The following ANKFN1 variants were observed in gnomAD, a reference collection of about 807,000 sequenced individuals.
The protein encoded by ANKFN1 is ankyrin repeat and fibronectin type III domain containing 1.
A neutral mutation model predicts 108.7 loss-of-function variants in ANKFN1; 74 were observed. The ratio of observed to expected loss-of-function variants is 0.68; its 90% CI spans 0.56 to 0.83. The LOEUF is 0.83. Among genes scored for constraint, ANKFN1 ranks in the 40% least tolerant of loss-of-function variants. ANKFN1 has a pLI of 0.00. For missense variants in ANKFN1, 1,505 were observed against 1,382.3 expected, an observed-to-expected ratio of 1.09 and a Z score of -1.41; for synonymous variants, 547 against 516.2, an observed-to-expected ratio of 1.06 and a Z score of -0.81.
chr17:56,092,565 C>T lies in ANKFN1; in HGVS notation c.288+46240C>T, dbSNP rs768594783. On this transcript the variant is annotated intron_variant, in intron 4 of 12. Coordinates refer to the ANKFN1 transcript ENST00000635860. ...TTAGGATTACAGGCGTGAGCCACCGCGCCCAGTCGGTAGTATGTTTTTTAA... is the reference window on the plus strand; with the variant it reads ...TTAGGATTACAGGCGTGAGCCACCGTGCCCAGTCGGTAGTATGTTTTTTAA... Among the ~76,000 whole-genome samples the T allele has an allele frequency of 2.0e-4, 30 of 151,054 alleles. 1 individual carries two copies. Among genetic ancestry groups the T allele is most frequent in the Admixed American group, 2.6e-4 (4 of 15,120 alleles).
intron 4 of ANKFN1, among the ~76,000 whole-genome samples, chr17:56,068,800 C>CTA (rs1905090112): frequency 6.6e-6 from 1 of 152,210 alleles, no homozygotes; most frequent in Admixed American, 6.5e-5. Flanking sequence ...CTCATTCATA[C>CTA]ACATATTTCT....
intron 1 of ANKFN1, among the ~76,000 whole-genome samples, chr17:56,172,864 C>T (rs535870350): frequency 1.2e-4 from 19 of 152,156 alleles, no homozygotes; most frequent in Non-Finnish European, 2.5e-4. Flanking sequence ...AACCAGCCAG[C>T]AGACAGGGAC....
At position 56,498,936 on chromosome 17, in the gene ANKFN1, G is replaced by A; in HGVS notation, c.2482G>A (p.Ala828Thr). The change falls in exon 20 of 21, where the codon GCA becomes ACA. Residue 828 changes from alanine (A) to threonine (T), a missense_variant. Physicochemically the swap from Ala to Thr is moderately conservative, Grantham distance 58. Coordinates refer to ENST00000682825, the MANE Select transcript of ANKFN1 (RefSeq NM_001370326.1). Reference protein sequence around the residue: ...MRWIMDALQYARYKQPVSGLP... With the variant: ...MRWIMDALQYTRYKQPVSGLP... ...ATGGATCATGGATGCTCTACAGTAT[G>A]CAAGATACAAACAACCAGTTTCTGG... 2.0e-6 allele frequency: 3 copies of A among 1,535,680 alleles called. No individual in the cohort carries two copies. The highest frequency in any genetic ancestry group is 2.6e-6 in the Non-Finnish European group (3 of 1,146,600).
chr17:56,456,472 A>G (rs2049703857), intron 11 of ANKFN1, among the ~76,000 whole-genome samples: 1 of 138,528 alleles, frequency 7.2e-6, no homozygotes, highest in South Asian at 2.2e-4. Context: ...ATCTCGGCTC[A>G]CTACAACCTC....
At chr17:56,333,530 C>T (rs1037794352) in intron 4 of ANKFN1, among the ~76,000 whole-genome samples, 3 of 152,060 alleles carry the variant, frequency 2.0e-5, no homozygotes, top group African/African-American at 7.2e-5. Flanking sequence ...CCTGCCTAGT[C>T]GTGATGCATT....
chr17:56,121,786 G>A (rs1906636039), intron 4 of ANKFN1, among the ~76,000 whole-genome samples: 1 of 152,188 alleles, frequency 6.6e-6, no homozygotes, highest in African/African-American at 2.4e-5. Context: ...TTAGCAATCA[G>A]TATAGCAGAA....
Position 56,265,891 on chromosome 17 carries a change from G to C in ANKFN1, c.53+37934G>C, listed in dbSNP as rs993563612. 3.3e-5 allele frequency among the ~76,000 whole-genome samples: 5 copies of C among 152,082 alleles called. No individual in the cohort carries two copies. The East Asian group carries it at 9.7e-4, about 29-fold the overall frequency. ...TTCAAGTATTTTCAGTCCTCAGTTG[G>C]TTGAATCCACAGATGCAGAACCTGT... On this transcript the variant is annotated intron_variant, in intron 3 of 20. Transcript: ENST00000682825.
intron 17 of ANKFN1, among the ~76,000 whole-genome samples, 163 bp from the exon 18 acceptor site, chr17:56,482,193 T>G (rs2050729920): frequency 6.6e-6 from 1 of 152,248 alleles, no homozygotes; most frequent in African/African-American, 2.4e-5. Flanking sequence ...CTTGATTTTA[T>G]ATAGCATTAT....
intron 4 of ANKFN1, among the ~76,000 whole-genome samples, chr17:56,129,988 A>G (rs1187915267): frequency 1.3e-5 from 2 of 152,268 alleles, no homozygotes; most frequent in Non-Finnish European, 2.9e-5. Context: ...GACCTCCTGC[A>G]GGTAACATAC....
At chr17:56,338,680 C>T (rs986792892) in intron 4 of ANKFN1, among the ~76,000 whole-genome samples, 4 of 151,724 alleles carry the variant, frequency 2.6e-5, no homozygotes, top group Non-Finnish European at 5.9e-5. Flanking sequence ...CAAAGAGTAC[C>T]GTTGCTATCC....
chr17:56,498,889 A>G lies in ANKFN1; in HGVS notation c.2435A>G (p.Asp812Gly). 1 of 1,535,336 alleles carries G rather than the reference A, an allele frequency of 6.5e-7. No individual in the cohort carries two copies. Among genetic ancestry groups the G allele is most frequent in the East Asian group, 2.4e-5 (1 of 40,918 alleles). ...QQVLDFIQQI[D>G]EVWREMRWIM... ...TACCATTTTATTCCAAAGCAAATAG[A>G]TGAAGTCTGGCGTGAAATGAGATGG... is the stretch of plus-strand genomic sequence containing the variant. The change falls in exon 20 of 21, where the codon GAT becomes GGT. Residue 812 changes from aspartate (D) to glycine (G), a missense_variant. Coordinates refer to ENST00000682825, the MANE Select transcript of ANKFN1 (RefSeq NM_001370326.1).
intron 8 of ANKFN1, among the ~76,000 whole-genome samples, chr17:56,388,779 T>G (rs1257451008): frequency 6.6e-6 from 1 of 152,200 alleles, no homozygotes; most frequent in Non-Finnish European, 1.5e-5. Flanking sequence ...TCTCAGCGTA[T>G]TCTCTACTCC....
chr17:56,275,717 A>G (rs2043911597), intron 3 of ANKFN1, among the ~76,000 whole-genome samples: 1 of 152,196 alleles, frequency 6.6e-6, no homozygotes, highest in Admixed American at 6.5e-5. Flanking sequence ...ATTGGGGAGC[A>G]CAGAATATTT....
chr17:56,469,783 C>CTT (rs112767954), intron 15 of ANKFN1, among the ~76,000 whole-genome samples: 54 of 149,760 alleles, frequency 3.6e-4, no homozygotes, highest in East Asian at 1.2e-3. Context: ...AATTTTTTTT[C>CTT]TTTTTATTTT....
intron 1 of ANKFN1, among the ~76,000 whole-genome samples, chr17:56,193,542 A>C (rs1913210029): frequency 6.6e-6 from 1 of 151,816 alleles, no homozygotes; most frequent in Non-Finnish European, 1.5e-5. Flanking sequence ...AAATACAGCT[A>C]GTATAATGTA....
At chr17:56,509,022 GAAA>G (rs2051660701) in intron 20 of ANKFN1, among the ~76,000 whole-genome samples, 1 of 152,176 alleles carries the variant, frequency 6.6e-6, no homozygotes, top group Admixed American at 6.5e-5. Context: ...TATGTTTGAG[GAAA>G]ACCTTGAACA....
chr17:56,373,569 G>A (rs1467777459), intron 7 of ANKFN1, among the ~76,000 whole-genome samples: 3 of 152,196 alleles, frequency 2.0e-5, no homozygotes, highest in Admixed American at 6.5e-5. Context: ...GGGAAAGTTC[G>A]TTAGTTTGAA....
At chr17:56,139,531 A>C (rs977629572) in intron 4 of ANKFN1, among the ~76,000 whole-genome samples, 1 of 152,072 alleles carries the variant, frequency 6.6e-6, no homozygotes, top group African/African-American at 2.4e-5. Flanking sequence ...ACAAATTTGG[A>C]TTTGAGCCCA....
intron 8 of ANKFN1, among the ~76,000 whole-genome samples, chr17:56,430,046 A>T (rs2048701432): frequency 1.3e-5 from 2 of 152,156 alleles, no homozygotes; most frequent in Admixed American, 6.6e-5. Context: ...TAGGTTTTTG[A>T]CAAGAAGAGA....
Sources: allele counts gnomAD v4.1 joint callset (sites outside exome capture counted in the v4.1 genomes callset), GRCh38; gene constraint gnomAD v4.1.1; transcripts MANE v1.5; gene names NCBI Gene and HGNC (gene_info 2026-07-23, HGNC 2026-07-21).